NXPH1: variants seen among roughly 807,000 people sequenced by gnomAD.
NXPH1 encodes neurexophilin 1, also known as neurexophilin-1.
In NXPH1, 5 loss-of-function variants were observed where a neutral mutation model predicts 23.7. The observed-to-expected ratio is 0.21, with a 90% CI of 0.11 to 0.44. The LOEUF (loss-of-function observed/expected upper bound fraction) is 0.44, where lower values mean the gene tolerates loss of function less well. Ranked by LOEUF, NXPH1 falls within the 20% of genes least tolerant of loss-of-function variation. The probability of loss-of-function intolerance (pLI) is 0.99; values close to 1 mark genes in which losing one functional copy is unlikely to be tolerated. For missense variants in NXPH1, 324 were observed against 321.6 expected, an observed-to-expected ratio of 1.01 and a Z score of -0.06; for synonymous variants, 144 against 122.2, an observed-to-expected ratio of 1.18 and a Z score of -1.18.
At chr7:8,600,538 T>G (rs1428775276) in intron 2 of NXPH1, among the ~76,000 whole-genome samples, 1 of 152,204 alleles carries the variant, frequency 6.6e-6, no homozygotes, top group Non-Finnish European at 1.5e-5. Context: ...GATCCTGCTG[T>G]GTGGACCTGC....
intron 2 of NXPH1, among the ~76,000 whole-genome samples, chr7:8,711,693 T>C (rs7794575): frequency 6.6e-6 from 1 of 152,038 alleles, no homozygotes; most frequent in Non-Finnish European, 1.5e-5. Flanking sequence ...TGCATACATA[T>C]GTATGTGAGG....
chr7:8,632,452 G>A (rs1156525247), intron 2 of NXPH1, among the ~76,000 whole-genome samples: 1 of 152,060 alleles, frequency 6.6e-6, no homozygotes, highest in Non-Finnish European at 1.5e-5. Context: ...CCTCATTTCT[G>A]ACTACTTCGA....
chr7:8,666,124 T>C (rs1352884372), intron 2 of NXPH1, among the ~76,000 whole-genome samples: 1 of 151,984 alleles, frequency 6.6e-6, no homozygotes, highest in African/African-American at 2.4e-5. Flanking sequence ...TGCCTTGTTC[T>C]TGATCATAGA....
chr7:8,475,778 A>G (rs930534682), intron 2 of NXPH1, among the ~76,000 whole-genome samples: 2 of 152,190 alleles, frequency 1.3e-5, no homozygotes, highest in African/African-American at 4.8e-5. Flanking sequence ...TAAGAAGGAT[A>G]TAATATCACA....
In NXPH1 at chr7:8,515,107, A is replaced by G. The variant is rs117900550; in HGVS notation, c.54+79340A>G. On this transcript the variant is annotated intron_variant, in intron 2 of 2. Transcript: ENST00000405863. ...ATAGTGAGACTAAGAAAGAGAGATT[A>G]TAGTTTACAAAATGCTTTCCAGCTA... 1.3e-4 allele frequency among the ~76,000 whole-genome samples: 20 copies of G among 152,282 alleles called. No individual in the cohort carries two copies. The East Asian group carries it at 3.7e-3, about 28-fold the overall frequency.
intron 2 of NXPH1, among the ~76,000 whole-genome samples, chr7:8,741,582 T>C (rs1780363265): frequency 6.6e-6 from 1 of 152,170 alleles, no homozygotes. Flanking sequence ...TTTGACCTTC[T>C]CATAATAGTT....
chr7:8,482,260 C>T (rs996994234), intron 2 of NXPH1, among the ~76,000 whole-genome samples: 1 of 152,172 alleles, frequency 6.6e-6, no homozygotes, highest in Non-Finnish European at 1.5e-5. Flanking sequence ...CCCCTGTCAG[C>T]AGTGCCAAAA....
At chr7:8,598,883 T>C (rs1358966402) in intron 2 of NXPH1, among the ~76,000 whole-genome samples, 2 of 152,154 alleles carry the variant, frequency 1.3e-5, no homozygotes, top group Non-Finnish European at 2.9e-5. Context: ...ATGCCTGCTG[T>C]AGGCTCTGGG....
intron 2 of NXPH1, among the ~76,000 whole-genome samples, chr7:8,589,969 G>C (rs1819058812): frequency 6.6e-6 from 1 of 152,074 alleles, no homozygotes; most frequent in Non-Finnish European, 1.5e-5. Flanking sequence ...TAACCACATG[G>C]GGTTAGGGGT....
intron 2 of NXPH1, among the ~76,000 whole-genome samples, chr7:8,658,345 T>G (rs1820614505): frequency 6.6e-6 from 1 of 152,238 alleles, no homozygotes; most frequent in Admixed American, 6.5e-5. Context: ...GAGTGTTTGA[T>G]TAGTGAACAC....
chr7:8,542,781 A>G (rs192804996), intron 2 of NXPH1, among the ~76,000 whole-genome samples: 8 of 151,642 alleles, frequency 5.3e-5, no homozygotes, highest in Admixed American at 5.3e-4. Flanking sequence ...TTATTATGTT[A>G]GATTATGCAA....
chr7:8,573,987 C>T (rs1396843824), intron 2 of NXPH1, among the ~76,000 whole-genome samples: 1 of 152,064 alleles, frequency 6.6e-6, no homozygotes, highest in African/African-American at 2.4e-5. Flanking sequence ...TGGTGGTATA[C>T]AGAACTGTGA....
At chr7:8,750,975 G>C in intron 2 of NXPH1, 33 bp from the exon 3 acceptor site, 4 of 1,605,498 alleles carry the variant, frequency 2.5e-6, no homozygotes, top group Non-Finnish European at 3.4e-6. Flanking sequence ...CAGATGCAGA[G>C]ATGTAAATGC....
At chr7:8,521,085 A>C (rs759134374) in intron 2 of NXPH1, among the ~76,000 whole-genome samples, 2 of 152,180 alleles carry the variant, frequency 1.3e-5, no homozygotes, top group Non-Finnish European at 2.9e-5. Flanking sequence ...AAATCCATCA[A>C]TAAATACTTC....
intron 2 of NXPH1, among the ~76,000 whole-genome samples, chr7:8,625,843 T>A (rs1260097268): frequency 6.6e-6 from 1 of 152,180 alleles, no homozygotes; most frequent in East Asian, 1.9e-4. Flanking sequence ...AAAGTGTAAT[T>A]GTAGATTAAC....
chr7:8,502,396 G>C (rs1817451417), intron 2 of NXPH1, among the ~76,000 whole-genome samples: 1 of 151,784 alleles, frequency 6.6e-6, no homozygotes, highest in Non-Finnish European at 1.5e-5. Context: ...TTATGTTAAA[G>C]ATTAATTTAA....
chr7:8,549,882 T>C (rs1818252269), intron 2 of NXPH1, among the ~76,000 whole-genome samples: 1 of 151,558 alleles, frequency 6.6e-6, no homozygotes, highest in African/African-American at 2.4e-5. Flanking sequence ...TTGTAACCAC[T>C]AAACTACCAT....
At chr7:8,500,507 T>C (rs893139360) in intron 2 of NXPH1, among the ~76,000 whole-genome samples, 2 of 152,082 alleles carry the variant, frequency 1.3e-5, no homozygotes, top group African/African-American at 4.8e-5. Flanking sequence ...ATTTGGCTGT[T>C]GTGAGCATTG....
chr7:8,701,516 G>A (rs538155179), intron 2 of NXPH1, among the ~76,000 whole-genome samples: 1 of 152,022 alleles, frequency 6.6e-6, no homozygotes, highest in Non-Finnish European at 1.5e-5. Context: ...TTCGTAATGC[G>A]GCTGTCTTAT....
Sources: allele counts gnomAD v4.1 joint callset (sites outside exome capture counted in the v4.1 genomes callset), GRCh38; gene constraint gnomAD v4.1.1; transcripts MANE v1.5; gene names NCBI Gene and HGNC (gene_info 2026-07-23, HGNC 2026-07-21).